The following MIR2052HG variants were observed in gnomAD, a reference collection of about 807,000 sequenced individuals.
MIR2052HG encodes MIR2052 host gene.
chr8:74,621,222 A>G (rs1808357132), intron 2 of MIR2052HG, among the ~76,000 whole-genome samples: 1 of 152,124 alleles, frequency 6.6e-6, no homozygotes, highest in Non-Finnish European at 1.5e-5. Context: ...GAGCCCTCCA[A>G]GTCTCTAGGA....
intron 4 of MIR2052HG, among the ~76,000 whole-genome samples, chr8:74,748,380 T>A (rs13277807): frequency 0.65 from 98,991 of 152,084 alleles, 33,895 homozygotes; most frequent in African/African-American, 0.87. Context: ...AGACAGGAAC[T>A]TTCACTAGTC....
chr8:74,631,275 T>A lies in MIR2052HG; in HGVS notation n.216+18335T>A, dbSNP rs75806126. On this transcript the variant is annotated intron_variant and non_coding_transcript_variant, in intron 2 of 6. Transcript: ENST00000523442. ...TGTGGAGTAGGAGGGAAATTAAATA[T>A]ACATCTGCATCTTTTCCAACAACAA... Among the ~76,000 whole-genome samples the A allele has an allele frequency of 3.3e-5, 5 of 152,310 alleles. No homozygotes were observed. In the East Asian group the frequency reaches 9.7e-4, roughly 29 times the overall value.
chr8:74,660,706 A>G (rs563064644), intron 2 of MIR2052HG, among the ~76,000 whole-genome samples: 1 of 152,342 alleles, frequency 6.6e-6, no homozygotes, highest in South Asian at 2.1e-4. Flanking sequence ...GAAAACAACA[A>G]CATCATCAAT....
intron 4 of MIR2052HG, among the ~76,000 whole-genome samples, chr8:74,710,177 G>T (rs188164483): frequency 2.7e-4 from 41 of 152,192 alleles, no homozygotes; most frequent in African/African-American, 8.7e-4. Flanking sequence ...AAATCCTCTG[G>T]TTCCTTTGGG....
chr8:74,708,627 C>T (rs181095648), intron 4 of MIR2052HG, among the ~76,000 whole-genome samples: 321 of 151,872 alleles, frequency 2.1e-3, no homozygotes, highest in Middle Eastern at 0.021. Flanking sequence ...TGAAGCTAAA[C>T]AAAACTTAGT....
intron 4 of MIR2052HG, among the ~76,000 whole-genome samples, chr8:74,740,910 T>A (rs1809821261): frequency 6.6e-6 from 1 of 152,252 alleles, no homozygotes; most frequent in East Asian, 1.9e-4. Flanking sequence ...TAGTTCCAGA[T>A]TAAATATCTG....
At chr8:74,725,071 G>T (rs1809620066) in intron 4 of MIR2052HG, among the ~76,000 whole-genome samples, 1 of 151,950 alleles carries the variant, frequency 6.6e-6, no homozygotes, top group African/African-American at 2.4e-5. Context: ...AAGAACAAAA[G>T]AAGAATAGAA....
intron 4 of MIR2052HG, among the ~76,000 whole-genome samples, chr8:74,710,970 C>G (rs1282367144): frequency 6.6e-6 from 1 of 152,170 alleles, no homozygotes; most frequent in Non-Finnish European, 1.5e-5. Context: ...CTGCTCCGTA[C>G]CTCTATGCTG....
intron 2 of MIR2052HG, among the ~76,000 whole-genome samples, chr8:74,700,146 A>T (rs773215683): frequency 8.5e-5 from 13 of 152,200 alleles, no homozygotes; most frequent in Non-Finnish European, 1.5e-4. Flanking sequence ...TATTACATGT[A>T]TATAGATAGA....
At chr8:74,630,961 C>T (rs1376105327) in intron 2 of MIR2052HG, among the ~76,000 whole-genome samples, 1 of 152,166 alleles carries the variant, frequency 6.6e-6, no homozygotes. Flanking sequence ...GTGGCATGTG[C>T]TCTCATCTAT....
At chr8:74,630,129 A>G (rs1407915284) in intron 2 of MIR2052HG, among the ~76,000 whole-genome samples, 1 of 152,208 alleles carries the variant, frequency 6.6e-6, no homozygotes, top group Non-Finnish European at 1.5e-5. Flanking sequence ...ACAAGTGAAA[A>G]TGTGCTGGTT....
chr8:74,678,203 C>T (rs980101826), intron 2 of MIR2052HG, among the ~76,000 whole-genome samples: 1 of 151,974 alleles, frequency 6.6e-6, no homozygotes, highest in African/African-American at 2.4e-5. Context: ...CTTTACATAC[C>T]AGTTATACTA....
intron 4 of MIR2052HG, among the ~76,000 whole-genome samples, chr8:74,733,584 T>C (rs867231093): frequency 7.6e-5 from 11 of 145,070 alleles, no homozygotes; most frequent in South Asian, 2.3e-4. Context: ...TATAGTCCTT[T>C]GGGTATATAC....
chr8:74,697,154 G>C (rs1809306373), intron 2 of MIR2052HG, among the ~76,000 whole-genome samples: 1 of 152,072 alleles, frequency 6.6e-6, no homozygotes, highest in Non-Finnish European at 1.5e-5. Flanking sequence ...TCATACCAGA[G>C]ATGGACAGAT....
intron 2 of MIR2052HG, among the ~76,000 whole-genome samples, chr8:74,642,927 A>G (rs1017614900): frequency 6.6e-6 from 1 of 152,196 alleles, no homozygotes; most frequent in African/African-American, 2.4e-5. Flanking sequence ...GGATAGTTTT[A>G]TCAGACAGGT....
intron 2 of MIR2052HG, among the ~76,000 whole-genome samples, chr8:74,618,789 A>G (rs1295791773): frequency 6.6e-6 from 1 of 152,194 alleles, no homozygotes; most frequent in Non-Finnish European, 1.5e-5. Context: ...GGAGATTCTA[A>G]CCAGAGCAAT....
intron 4 of MIR2052HG, among the ~76,000 whole-genome samples, chr8:74,744,594 C>G (rs978618381): frequency 1.3e-5 from 2 of 151,744 alleles, no homozygotes; most frequent in African/African-American, 2.4e-5. Flanking sequence ...TTTGTCCTTG[C>G]GATAGTTTAC....
intron 2 of MIR2052HG, among the ~76,000 whole-genome samples, chr8:74,686,050 A>G (rs577190523): frequency 6.6e-6 from 1 of 152,080 alleles, no homozygotes; most frequent in Admixed American, 6.6e-5. Flanking sequence ...CTTTGAGGAG[A>G]AAAATGATTC....
chr8:74,635,779 C>G (rs765295471), intron 2 of MIR2052HG, among the ~76,000 whole-genome samples: 1 of 152,108 alleles, frequency 6.6e-6, no homozygotes, highest in South Asian at 2.1e-4. Flanking sequence ...GGATTAACTT[C>G]CCCAGGGAAA....
Sources: gnomAD v4.1 joint callset for allele counts (sites outside exome capture counted in the v4.1 genomes callset) on GRCh38, gnomAD v4.1.1 for gene constraint, MANE v1.5 for transcripts, NCBI Gene and HGNC (gene_info 2026-07-23, HGNC 2026-07-21) for gene names.